The following PGR variants were observed in gnomAD, a reference collection of about 807,000 sequenced individuals.
PGR encodes the protein progesterone receptor.
In PGR, 25 loss-of-function variants were observed where a neutral mutation model predicts 76.1. That is an observed-to-expected ratio of 0.33 (90% CI 0.24 to 0.46). The LOEUF (loss-of-function observed/expected upper bound fraction) is 0.46. PGR is among the 20% of genes least tolerant of loss of function. The probability of loss-of-function intolerance (pLI) is 1.00; values close to 1 mark genes in which losing one functional copy is unlikely to be tolerated. For missense variants in PGR, 1,172 were observed against 1,225.3 expected (o/e 0.96, Z 0.65); for synonymous variants, 579 against 535.0 (o/e 1.08, Z -1.14).
chr11:101,122,113 C>T (rs1484761642), intron 2 of PGR, among the ~76,000 whole-genome samples: 1 of 147,094 alleles, frequency 6.8e-6, no homozygotes, highest in Admixed American at 6.9e-5. Context: ...CGAGATCACA[C>T]CACTGCACTC....
intron 3 of PGR, among the ~76,000 whole-genome samples, chr11:101,079,302 C>T (rs1037099145): frequency 5.9e-5 from 9 of 151,764 alleles, no homozygotes; most frequent in African/African-American, 1.2e-4. Flanking sequence ...AAAAAGCTTC[C>T]GCACAGCAAA....
Position 101,127,942 on chromosome 11 carries a change from A to G in PGR, c.1129T>C (p.Tyr377His), listed in dbSNP as rs780063529. ...AGAGCGGGCGGCTGGAAGTCGCTAT[A>G]GAGAGGGTACGCGTCGTCCTTGGGC... ...AEPKDDAYPL[Y>H]SDFQPPALKI... The change falls in exon 1 of 8, where the codon TAT (tyrosine) becomes CAT (histidine). Residue 377 changes from tyrosine to histidine, a missense_variant. By Grantham distance (83) the Tyr-to-His change is moderately conservative. Transcript: ENST00000325455. The G allele has an allele frequency of 5.6e-6, 9 of 1,611,184 alleles. No individual in the cohort carries two copies. The highest frequency in any genetic ancestry group is 7.6e-6 in the Non-Finnish European group (9 of 1,179,602).
In PGR at chr11:101,127,971, G is replaced by T; in HGVS notation, c.1100C>A (p.Ala367Asp). The change falls in exon 1 of 8, where the codon GCC (alanine) becomes GAC (aspartate). Residue 367 changes from alanine to aspartate, a missense_variant. By Grantham distance (126) the Ala-to-Asp change is moderately radical. This residue lies in a region of PGR where 893 missense variants were observed against 785.9 expected (regional missense o/e 1.14). Coordinates refer to ENST00000325455, the MANE Select transcript of PGR (RefSeq NM_000926.4). ...DFPDCAYPPD[A>D]EPKDDAYPLY... Reference sequence around the variant, plus strand: ...AGGGTACGCGTCGTCCTTGGGCTCGGCGTCGGGCGGGTACGCGCAGTCGGG... The same window carrying T: ...AGGGTACGCGTCGTCCTTGGGCTCGTCGTCGGGCGGGTACGCGCAGTCGGG... The T allele has an allele frequency of 6.2e-7, 1 of 1,612,128 alleles. No individual in the cohort carries two copies. Among genetic ancestry groups the T allele is most frequent in the Non-Finnish European group, 8.5e-7 (1 of 1,179,858 alleles).
At chr11:101,095,828 T>G (rs1861815089) in intron 2 of PGR, among the ~76,000 whole-genome samples, 1 of 152,166 alleles carries the variant, frequency 6.6e-6, no homozygotes, top group South Asian at 2.1e-4. Flanking sequence ...ATAGTTAGAT[T>G]TTTTCTAGAT....
chr11:101,128,470 C>T lies in PGR; in HGVS notation c.601G>A (p.Glu201Lys). Residue 201 changes from glutamate (E) to lysine (K), a missense_variant, in exon 1 of 8, where the codon GAG becomes AAG. By Grantham distance (56) the Glu-to-Lys change is moderately conservative. Coordinates refer to ENST00000325455, the MANE Select transcript of PGR (RefSeq NM_000926.4). ...GGGGCCCCGGACCAGTGAGGGCTCT[C>T]AGAGGCCGGGAGCAGCAGCTGCCGG... ...PARQLLLPAS[E>K]SPHWSGAPVK... 6.2e-7 allele frequency: 1 copy of T among 1,608,432 alleles called. No homozygotes were observed. The highest frequency in any genetic ancestry group is 8.5e-7 in the Non-Finnish European group (1 of 1,179,378).
rs774686223 is a variant in PGR at position 101,128,411 on chromosome 11, C to T, written c.660G>A (p.Glu220=). The part of the protein sequence containing the change: ...VKPSPQAAAV[E]VEEEDGSESE... ...ACTCAGAGCCATCCTCCTCCTCAAC[C>T]TCCACCGCAGCGGCCTGCGGAGACG... The change falls in exon 1 of 8, where the codon GAG becomes GAA. Residue 220 remains glutamate (E), a synonymous_variant. Transcript: ENST00000325455. The T allele has an allele frequency of 3.7e-6, 6 of 1,610,820 alleles. No individual in the cohort carries two copies. In the Middle Eastern group the frequency reaches 5.0e-4, roughly 133 times the overall value.
rs968877420 is a variant in PGR at position 101,035,596 on chromosome 11, G to A, written c.*3520C>T. On this transcript the variant is annotated 3_prime_UTR_variant, in exon 8 of 8. Coordinates refer to ENST00000325455, the MANE Select transcript of PGR (RefSeq NM_000926.4). ...ATAATTTGAGCATGGGTTTTTGGAGGGGCTGTGTTCTAGTCAGGCTCTCTG... is the reference window on the plus strand; with the variant it reads ...ATAATTTGAGCATGGGTTTTTGGAGAGGCTGTGTTCTAGTCAGGCTCTCTG... 1.3e-5 allele frequency: 3 copies of A among 231,864 alleles called. No individual in the cohort carries two copies. Among genetic ancestry groups the A allele is most frequent in the African/African-American group, 6.6e-5 (3 of 45,218 alleles). 14.4% of individuals were successfully genotyped at this position (231,864 alleles called of 1,614,324 possible). A position where few individuals can be genotyped will look rare whatever the true frequency, so the allele number is the denominator to read the frequency against.
chr11:101,114,934 C>G (rs1275101058), intron 2 of PGR, among the ~76,000 whole-genome samples: 1 of 152,162 alleles, frequency 6.6e-6, no homozygotes, highest in Non-Finnish European at 1.5e-5. Flanking sequence ...ACTCTTTACT[C>G]AATTAATTGT....
chr11:101,087,239 G>A (rs1256552717), intron 3 of PGR, among the ~76,000 whole-genome samples: 2 of 152,100 alleles, frequency 1.3e-5, no homozygotes, highest in South Asian at 2.1e-4. Flanking sequence ...CAGACACATA[G>A]ACCAATGGAA....
chr11:101,114,751 C>T (rs560305414), intron 2 of PGR, among the ~76,000 whole-genome samples: 1 of 152,120 alleles, frequency 6.6e-6, no homozygotes, highest in African/African-American at 2.4e-5. Flanking sequence ...ACCCATTGAA[C>T]CCATTCCTCT....
chr11:101,062,629 G>A lies in PGR; in HGVS notation c.2030C>T (p.Pro677Leu). Residue 677 changes from proline to leucine, a missense_variant, in exon 4 of 8, where the codon CCA becomes CTA. Physicochemically the swap from Pro to Leu is moderately conservative, Grantham distance 98. Transcript: ENST00000325455. ...TGGAATCAACTGTATGTCTTGACCT[G>A]GTGAAAAAGTGAATCTCTGGCTTAG... The part of the protein sequence containing the change: ...QALSQRFTFS[P>L]GQDIQLIPPL... 1 of 1,613,986 alleles carries A rather than the reference G, an allele frequency of 6.2e-7. No homozygotes were observed. The highest frequency in any genetic ancestry group is 8.5e-7 in the Non-Finnish European group (1 of 1,179,948).
intron 2 of PGR, among the ~76,000 whole-genome samples, chr11:101,118,726 AGAG>A (rs1240001688): frequency 3.9e-5 from 6 of 152,232 alleles, no homozygotes; most frequent in African/African-American, 1.4e-4. Flanking sequence ...ATATCTCATC[AGAG>A]GAGAAAAAAA....
At chr11:101,108,824 T>C (rs1222125974) in intron 2 of PGR, among the ~76,000 whole-genome samples, 4 of 152,250 alleles carry the variant, frequency 2.6e-5, no homozygotes, top group South Asian at 2.1e-4. Flanking sequence ...CTTTGCTTAA[T>C]TGTACTTCAC....
chr11:101,047,902 G>A (rs931605106), intron 6 of PGR, among the ~76,000 whole-genome samples: 1 of 152,044 alleles, frequency 6.6e-6, no homozygotes, highest in Non-Finnish European at 1.5e-5. Flanking sequence ...TGTCCTTCTG[G>A]TGATCAATGC....
At chr11:101,084,867 A>G (rs1430652785) in intron 3 of PGR, among the ~76,000 whole-genome samples, 1 of 152,206 alleles carries the variant, frequency 6.6e-6, no homozygotes, top group South Asian at 2.1e-4. Context: ...ACAGTAAAAA[A>G]GGAAAAATAA....
chr11:101,099,132 A>C (rs1295998138), intron 2 of PGR, among the ~76,000 whole-genome samples: 1 of 152,230 alleles, frequency 6.6e-6, no homozygotes, highest in African/African-American at 2.4e-5. Context: ...TTATAGCAGC[A>C]GTGTTCATAA....
At chr11:101,081,479 A>G (rs536419256) in intron 3 of PGR, among the ~76,000 whole-genome samples, 3 of 152,202 alleles carry the variant, frequency 2.0e-5, no homozygotes, top group African/African-American at 4.8e-5. Context: ...TTCAAAGGCA[A>G]TATTACAGAA....
At chr11:101,083,761 C>A (rs1861395847) in intron 3 of PGR, among the ~76,000 whole-genome samples, 1 of 152,134 alleles carries the variant, frequency 6.6e-6, no homozygotes, top group African/African-American at 2.4e-5. Context: ...AATGCCCATA[C>A]CCCTATTGTA....
Position 101,128,453 on chromosome 11 carries a change from G to A in PGR, c.618C>T (p.Ser206=), listed in dbSNP as rs758063171. The A allele has an allele frequency of 6.2e-7, 1 of 1,609,708 alleles. No homozygotes were observed. Among genetic ancestry groups the A allele is most frequent in the South Asian group, 1.1e-5 (1 of 91,022 alleles). Residue 206 remains serine, a synonymous_variant, in exon 1 of 8, where the codon TCC becomes TCT. Coordinates refer to ENST00000325455, the MANE Select transcript of PGR (RefSeq NM_000926.4). Reference sequence around the variant, plus strand: ...GCGGAGACGGCTTCACTGGGGCCCCGGACCAGTGAGGGCTCTCAGAGGCCG... The same window carrying A: ...GCGGAGACGGCTTCACTGGGGCCCCAGACCAGTGAGGGCTCTCAGAGGCCG... ...LLPASESPHW[S]GAPVKPSPQA...
Sources: allele counts gnomAD v4.1 joint callset (sites outside exome capture counted in the v4.1 genomes callset), GRCh38; gene constraint gnomAD v4.1.1; regional missense constraint gnomAD v4.1.1; transcripts MANE v1.5; gene names NCBI Gene and HGNC (gene_info 2026-07-23, HGNC 2026-07-21).